The following SOX5 variants were observed in gnomAD, a reference collection of about 807,000 sequenced individuals.
SOX5 encodes the protein transcription factor SOX-5.
In SOX5, 9 loss-of-function variants were observed where a neutral mutation model predicts 92.0. The observed-to-expected ratio is 0.10, with a 90% CI of 0.06 to 0.17. SOX5 has a LOEUF of 0.17. Among genes scored for constraint, SOX5 ranks in the 10% least tolerant of loss-of-function variants. SOX5 has a pLI of 1.00. For missense variants in SOX5, 642 were observed against 944.5 expected (o/e 0.68, Z 4.20); for synonymous variants, 344 against 336.3 (o/e 1.02, Z -0.25).
intron 4 of SOX5, among the ~76,000 whole-genome samples, chr12:24,033,501 A>T (rs1000942669): frequency 3.9e-5 from 6 of 151,986 alleles, no homozygotes; most frequent in African/African-American, 1.4e-4. Flanking sequence ...GCTATTTTTT[A>T]AAGTTACAAT....
chr12:23,741,002 G>A lies in SOX5; in HGVS notation c.606C>T (p.Leu202=), dbSNP rs2093775976. 1.2e-6 allele frequency: 2 copies of A among 1,607,884 alleles called. No homozygotes were observed. Among genetic ancestry groups the A allele is most frequent in the African/African-American group, 1.3e-5 (1 of 74,724 alleles). ...TGGTCAGCTGGTTGATCATACCCATGAGTTGCCTTTCTTTCTCAGCTAAGC... is the reference window on the plus strand; with the variant it reads ...TGGTCAGCTGGTTGATCATACCCATAAGTTGCCTTTCTTTCTCAGCTAAGC... ...PESLAEKERQ[L]MGMINQLTSL... is the part of the protein sequence containing the mutation. Residue 202 remains leucine, a synonymous_variant, in exon 5 of 15, where the codon CTC becomes CTT. Coordinates refer to ENST00000451604, the MANE Select transcript of SOX5 (RefSeq NM_006940.6).
chr12:24,077,776 T>C (rs1407522999), intron 4 of SOX5, among the ~76,000 whole-genome samples: 10 of 66,474 alleles, frequency 1.5e-4, no homozygotes, highest in Non-Finnish European at 2.8e-4. Flanking sequence ...TATTTTCATA[T>C]ATATATATAT....
At chr12:24,016,818 C>A (rs1223589558) in intron 4 of SOX5, among the ~76,000 whole-genome samples, 5 of 152,144 alleles carry the variant, frequency 3.3e-5, no homozygotes, top group Non-Finnish European at 7.3e-5. Context: ...TGACACCGTG[C>A]TGAAAACCAA....
chr12:24,157,139 A>G (rs1350660307), intron 4 of SOX5, among the ~76,000 whole-genome samples: 1 of 151,850 alleles, frequency 6.6e-6, no homozygotes, highest in Admixed American at 6.6e-5. Context: ...AATCTATTTG[A>G]TCTCCATTTT....
intron 3 of SOX5, among the ~76,000 whole-genome samples, chr12:24,275,239 A>G (rs1342383330): frequency 2.0e-5 from 3 of 152,104 alleles, no homozygotes; most frequent in Non-Finnish European, 4.4e-5. Flanking sequence ...GAAAATTAAA[A>G]CTTCTCATGA....
chr12:24,298,066 T>A (rs1327220013), intron 2 of SOX5, among the ~76,000 whole-genome samples: 1 of 152,160 alleles, frequency 6.6e-6, no homozygotes, highest in Non-Finnish European at 1.5e-5. Context: ...TCCCCAAAAG[T>A]GGCAGTTTAA....
intron 1 of SOX5, among the ~76,000 whole-genome samples, chr12:24,497,248 G>T (rs886356614): frequency 6.6e-6 from 1 of 152,172 alleles, no homozygotes; most frequent in African/African-American, 2.4e-5. Flanking sequence ...ACTATTTGCT[G>T]AATAAATGGC....
At chr12:23,763,856 T>G (rs530270328) in intron 3 of SOX5, among the ~76,000 whole-genome samples, 1 of 152,250 alleles carries the variant, frequency 6.6e-6, no homozygotes, top group African/African-American at 2.4e-5. Context: ...CCCTGTCCTT[T>G]ATCATGGCTA....
intron 9 of SOX5, among the ~76,000 whole-genome samples, chr12:23,576,278 T>C (rs927228853): frequency 6.6e-6 from 1 of 152,288 alleles, no homozygotes; most frequent in South Asian, 2.1e-4. Flanking sequence ...ACACCCATGA[T>C]GGAGGACCAC....
intron 6 of SOX5, among the ~76,000 whole-genome samples, chr12:23,683,419 T>C (rs1008544680): frequency 6.6e-6 from 1 of 151,960 alleles, no homozygotes; most frequent in Admixed American, 6.6e-5. Context: ...AGTTCATAAC[T>C]GATCTGGAAA....
intron 3 of SOX5, among the ~76,000 whole-genome samples, chr12:24,250,630 G>A (rs1939838625): frequency 6.6e-6 from 1 of 152,166 alleles, no homozygotes; most frequent in Non-Finnish European, 1.5e-5. Flanking sequence ...AAAGAATAAC[G>A]TGGACAATTG....
At chr12:23,771,003 A>T (rs1393282481) in intron 3 of SOX5, among the ~76,000 whole-genome samples, 1 of 152,154 alleles carries the variant, frequency 6.6e-6, no homozygotes, top group Admixed American at 6.5e-5. Context: ...ATGAACTTTC[A>T]TAGGAGAAAC....
chr12:23,995,367 G>A (rs76187820), intron 4 of SOX5, among the ~76,000 whole-genome samples: 15,299 of 152,132 alleles, frequency 0.1, 1,017 homozygotes, highest in East Asian at 0.21. Context: ...TTGCAAAGCA[G>A]CCATTAATAT....
chr12:24,100,570 C>G (rs933164430), intron 4 of SOX5, among the ~76,000 whole-genome samples: 1 of 152,078 alleles, frequency 6.6e-6, no homozygotes, highest in African/African-American at 2.4e-5. Context: ...ACACTCAGTT[C>G]AGGTCATCCC....
chr12:23,575,845 T>A lies in SOX5; in HGVS notation c.1165-7A>T. The A allele has an allele frequency of 6.5e-7, 1 of 1,537,566 alleles. No individual in the cohort carries two copies. The highest frequency in any genetic ancestry group is 1.3e-5 in the South Asian group (1 of 79,106). On this transcript the variant is annotated splice_polypyrimidine_tract_variant and splice_region_variant and intron_variant, in intron 9 of 14. Transcript: ENST00000451604. ...GTGGCTGTGCCACTTCATCCTGCAA[T>A]GATCATTAGAACATGAGCTGTGATA... is the stretch of plus-strand genomic sequence containing the variant.
At chr12:23,853,982 T>C (rs1467239552) in intron 2 of SOX5, among the ~76,000 whole-genome samples, 1 of 152,176 alleles carries the variant, frequency 6.6e-6, no homozygotes, top group African/African-American at 2.4e-5. Context: ...ACTGATTAGA[T>C]ATAATTTTTC....
At chr12:23,538,497 C>T (rs1390708223) in intron 13 of SOX5, among the ~76,000 whole-genome samples, 1 of 152,182 alleles carries the variant, frequency 6.6e-6, no homozygotes, top group Non-Finnish European at 1.5e-5. Flanking sequence ...GGGACAATCT[C>T]AAACTCCTTG....
chr12:24,150,601 T>A (rs1201523384), intron 4 of SOX5, among the ~76,000 whole-genome samples: 1 of 151,980 alleles, frequency 6.6e-6, no homozygotes, highest in East Asian at 1.9e-4. Flanking sequence ...AAGATAATCA[T>A]CATTTAAGGC....
At chr12:23,862,861 TTCAAA>T (rs2136468394) in intron 2 of SOX5, among the ~76,000 whole-genome samples, 1 of 152,322 alleles carries the variant, frequency 6.6e-6, no homozygotes, top group East Asian at 1.9e-4. Flanking sequence ...AATTCATTCA[TTCAAA>T]TCACTCACTG....
Sources: gnomAD v4.1 joint callset for allele counts (sites outside exome capture counted in the v4.1 genomes callset) on GRCh38, gnomAD v4.1.1 for gene constraint, MANE v1.5 for transcripts, NCBI Gene and HGNC (gene_info 2026-07-23, HGNC 2026-07-21) for gene names.